MED16: variants seen among roughly 807,000 people sequenced by gnomAD.
MED16 encodes the protein mediator of RNA polymerase II transcription subunit 16.
In MED16, 81 loss-of-function variants were observed where a neutral mutation model predicts 84.4. The observed-to-expected ratio is 0.96, with a 90% confidence interval of 0.80 to 1.15. The LOEUF (loss-of-function observed/expected upper bound fraction) is 1.15, where lower values mean the gene tolerates loss of function less well. MED16 is among the 50% of genes most tolerant of loss of function. MED16 has a pLI of 0.00. For synonymous variants in MED16, 897 were observed against 552.2 expected, an observed-to-expected ratio of 1.62 and a Z score of -8.76; for missense variants, 1,585 against 1,245.9, an observed-to-expected ratio of 1.27 and a Z score of -4.10.
intron 1 of MED16, 147 bp downstream of exon 1, chr19:892,939 C>CCCCGCGCCCCGCG (rs1568335904): frequency 7.1e-6 from 1 of 141,662 alleles, no homozygotes; most frequent in Non-Finnish European, 1.6e-5. Context: ...GCGCCCCGCG[C>CCCCGCGCCCCGCG]CCCAGGCCGC....
chr19:872,199 C>A (rs1203145420), intron 11 of MED16, 81 bp from the exon 12 acceptor site: 2 of 1,265,980 alleles, frequency 1.6e-6, no homozygotes, highest in Non-Finnish European at 1.1e-6. Flanking sequence ...GTCGGTGGAA[C>A]CCCGACCGGG....
chr19:880,839 C>T (rs960415381), intron 7 of MED16, among the ~76,000 whole-genome samples: 2 of 151,582 alleles, frequency 1.3e-5, no homozygotes, highest in African/African-American at 4.9e-5. Flanking sequence ...GAAGGAGAAT[C>T]GCTTGAACCC....
chr19:872,662 G>C (rs1468358426), intron 11 of MED16, among the ~76,000 whole-genome samples: 1 of 151,784 alleles, frequency 6.6e-6, no homozygotes, highest in Non-Finnish European at 1.5e-5. Context: ...CGGGGGGGTG[G>C]GGGCGAGGTT....
intron 3 of MED16, 35 bp from the exon 4 acceptor site, chr19:889,842 G>C (rs772846012): frequency 6.3e-7 from 1 of 1,584,604 alleles, no homozygotes; most frequent in South Asian, 1.1e-5. Context: ...GAACCTTCCA[G>C]GGATGGGCAG....
intron 2 of MED16, 59 bp from the exon 3 acceptor site, chr19:890,303 T>C: frequency 8.1e-7 from 1 of 1,232,234 alleles, no homozygotes; most frequent in Non-Finnish European, 1.1e-6. Context: ...ACGATGACGA[T>C]GACTCCAGGC....
At chr19:888,278 T>C (rs1321869999) in intron 4 of MED16, among the ~76,000 whole-genome samples, 1 of 151,586 alleles carries the variant, frequency 6.6e-6, no homozygotes, top group Non-Finnish European at 1.5e-5. Flanking sequence ...TCCCAGCACT[T>C]TGGGAGGCTG....
At chr19:884,082 G>A (rs2036476049) in intron 6 of MED16, among the ~76,000 whole-genome samples, 1 of 152,276 alleles carries the variant, frequency 6.6e-6, no homozygotes, top group East Asian at 1.9e-4. Context: ...GGCTTCTGAG[G>A]AGCGCCTGCC....
chr19:871,034 C>G lies in MED16; in HGVS notation c.2315+3G>C, dbSNP rs928819614. On this transcript the variant is annotated splice_donor_region_variant and intron_variant, in intron 13 of 15. Coordinates refer to ENST00000325464, the MANE Select transcript of MED16 (RefSeq NM_005481.3). ...TTGGGGACCAATGCAGGGACACACG[C>G]ACCTGGCGAGGCCGTCGAGCTGCAG... is the stretch of plus-strand genomic sequence containing the variant. The G allele has an allele frequency of 1.3e-6, 2 of 1,540,110 alleles. No homozygotes were observed. The highest frequency in any genetic ancestry group is 2.7e-5 in the African/African-American group (2 of 72,798).
At chr19:868,832 C>G in intron 14 of MED16, 31 bp downstream of exon 14, 1 of 1,541,434 alleles carries the variant, frequency 6.5e-7, no homozygotes, top group South Asian at 1.2e-5. Flanking sequence ...CGGCACATCT[C>G]TGGGAGTCAG....
At position 867,989 on chromosome 19, in the gene MED16, T is replaced by C. The variant is rs2035953470; in HGVS notation, c.*112A>G. On this transcript the variant is annotated 3_prime_UTR_variant, in exon 16 of 16. Transcript: ENST00000325464. ...GGGCGCAGAGGGCGTTTATTGGACC[T>C]GTCCTTCCCAGCCGCTGCTTGTCCA... The C allele has an allele frequency of 5.7e-6, 8 of 1,394,026 alleles. No homozygotes were observed. Among genetic ancestry groups the C allele is most frequent in the Admixed American group, 2.5e-5 (1 of 39,248 alleles). The allele number at this position is 1,394,026 out of a possible 1,614,324, so 86.4% of individuals were successfully genotyped here.
intron 11 of MED16, among the ~76,000 whole-genome samples, chr19:872,615 G>A (rs2036107389): frequency 6.7e-6 from 1 of 148,980 alleles, no homozygotes; most frequent in Non-Finnish European, 1.5e-5. Context: ...GGGTGGGGCA[G>A]AAGAAATCAC....
At chr19:888,882 C>T (rs915670384) in intron 4 of MED16, among the ~76,000 whole-genome samples, 10 of 152,136 alleles carry the variant, frequency 6.6e-5, no homozygotes, top group African/African-American at 2.4e-4. Context: ...CCTGCGAGAG[C>T]CCCAGCACAA....
intron 1 of MED16, 148 bp downstream of exon 1, chr19:892,938 G>T (rs1410447574): frequency 1.1e-4 from 13 of 118,484 alleles, no homozygotes; most frequent in African/African-American, 3.4e-4. Flanking sequence ...CGCGCCCCGC[G>T]CCCCAGGCCG....
At chr19:884,790 T>G in intron 6 of MED16, 113 bp downstream of exon 6, 1 of 776,574 alleles carries the variant, frequency 1.3e-6, no homozygotes, top group East Asian at 2.7e-5. Context: ...GACGATCGCT[T>G]AGGGCCGGGG....
intron 11 of MED16, among the ~76,000 whole-genome samples, chr19:872,676 G>A (rs926843758): frequency 3.3e-5 from 5 of 151,728 alleles, no homozygotes; most frequent in East Asian, 2.0e-4. Flanking sequence ...CGAGGTTGGA[G>A]CCCTGGTCAG....
intron 8 of MED16, among the ~76,000 whole-genome samples, chr19:879,614 C>CA: frequency 7.2e-6 from 1 of 139,614 alleles, no homozygotes. Context: ...TGTCAATGCC[C>CA]CCCAAGCCCA....
At chr19:877,934 C>G (rs2036296269) in intron 8 of MED16, among the ~76,000 whole-genome samples, 1 of 136,456 alleles carries the variant, frequency 7.3e-6, no homozygotes, top group South Asian at 2.4e-4. Context: ...CTCACCTTCC[C>G]GTGGTTGTCA....
chr19:888,841 C>T (rs774491918), intron 4 of MED16, among the ~76,000 whole-genome samples: 3 of 152,184 alleles, frequency 2.0e-5, no homozygotes, highest in African/African-American at 7.2e-5. Context: ...AGATCTTGTC[C>T]ACTGCATCCC....
intron 13 of MED16, among the ~76,000 whole-genome samples, chr19:870,771 G>A (rs1196308944): frequency 1.1e-4 from 16 of 146,932 alleles, no homozygotes; most frequent in Non-Finnish European, 1.8e-4. Context: ...TGGAGGGAGG[G>A]AGCCGTGTGG....
Sources: gnomAD v4.1 joint callset for allele counts (sites outside exome capture counted in the v4.1 genomes callset) on GRCh38, gnomAD v4.1.1 for gene constraint, MANE v1.5 for transcripts, NCBI Gene and HGNC (gene_info 2026-07-23, HGNC 2026-07-21) for gene names.